Variants in MERTK observed in about 807,000 individuals in gnomAD.
MERTK encodes the protein MER proto-oncogene, tyrosine kinase.
In MERTK, 69 loss-of-function variants were observed where a neutral mutation model predicts 99.3. The ratio of observed to expected loss-of-function variants is 0.70; its 90% CI spans 0.57 to 0.85. The LOEUF (loss-of-function observed/expected upper bound fraction) is 0.85. Ranked by LOEUF, MERTK falls within the 40% of genes least tolerant of loss-of-function variation. The pLI, the probability that MERTK is intolerant of heterozygous loss-of-function variation, is 0.00. For missense variants in MERTK, 1,125 were observed against 1,249.4 expected, an observed-to-expected ratio of 0.90 and a Z score of 1.50; for synonymous variants, 426 against 467.6, an observed-to-expected ratio of 0.91 and a Z score of 1.15.
At chr2:111,987,267 A>G (rs538888180) in intron 8 of MERTK, among the ~76,000 whole-genome samples, 11 of 152,224 alleles carry the variant, frequency 7.2e-5, no homozygotes, top group African/African-American at 2.6e-4. Context: ...ACAGGTTTGT[A>G]GCTTTGCATT....
At position 112,022,167 on chromosome 2, in the gene MERTK, G is replaced by A. The variant is rs550873469; in HGVS notation, c.2350-91G>A. 4 of 1,559,088 alleles carry A rather than the reference G, an allele frequency of 2.6e-6. No individual in the cohort carries two copies. In the African/African-American group the frequency reaches 4.1e-5, roughly 16 times the overall value. On this transcript the variant is annotated intron_variant, in intron 17 of 18. Transcript: ENST00000295408. ...TTGCCAGCTTTGTGCATGATCATCA[G>A]TGTTTAAGGAAATGACCTTTCCCAG...
chr2:111,909,965 C>A (rs562431829), intron 1 of MERTK, among the ~76,000 whole-genome samples: 1 of 152,308 alleles, frequency 6.6e-6, no homozygotes, highest in African/African-American at 2.4e-5. Flanking sequence ...ATCAAAAAGA[C>A]ATCTGCACCC....
intron 1 of MERTK, among the ~76,000 whole-genome samples, chr2:111,913,815 C>A (rs562562115): frequency 1.4e-4 from 22 of 152,330 alleles, no homozygotes; most frequent in Admixed American, 4.6e-4. Flanking sequence ...TGCCAAAGTG[C>A]TAGGATTACA....
At chr2:112,006,459 CT>C (rs767268394) in intron 13 of MERTK, among the ~76,000 whole-genome samples, 2 of 152,148 alleles carry the variant, frequency 1.3e-5, no homozygotes, top group Non-Finnish European at 2.9e-5. Context: ...ATATTCTGCA[CT>C]GTTCCTGCCT....
Position 111,994,315 on chromosome 2 carries a change from A to G in MERTK, c.1361A>G (p.Asn454Ser). 6.2e-7 allele frequency: 1 copy of G among 1,614,126 alleles called. No individual in the cohort carries two copies. The highest frequency in any genetic ancestry group is 1.7e-5 in the Admixed American group (1 of 60,020). The change falls in exon 9 of 19, where the codon AAT becomes AGT. Residue 454 changes from asparagine (N) to serine (S), a missense_variant. Coordinates refer to ENST00000295408, the MANE Select transcript of MERTK (RefSeq NM_006343.3). ...SRARISVQVHNATCTVRIAAV... is the reference protein window; with the variant it reads ...SRARISVQVHSATCTVRIAAV... ...GCTCGGATCTCTGTTCAAGTCCACA[A>G]TGCTACGTGCACAGTGAGGATTGCA...
chr2:111,906,366 T>C (rs1051443305), intron 1 of MERTK, among the ~76,000 whole-genome samples: 13 of 152,200 alleles, frequency 8.5e-5, no homozygotes, highest in African/African-American at 3.1e-4. Context: ...GGAGAAGGAA[T>C]TGTTTTGTTA....
chr2:112,019,792 C>A (rs535843005), intron 16 of MERTK, among the ~76,000 whole-genome samples: 1 of 152,176 alleles, frequency 6.6e-6, no homozygotes, highest in Admixed American at 6.5e-5. Flanking sequence ...AAGGTGTGAC[C>A]CTTGTGATCC....
Position 111,982,837 on chromosome 2 carries a change from T to C in MERTK, c.1145-5T>C, listed in dbSNP as rs373308959. On this transcript the variant is annotated splice_polypyrimidine_tract_variant and splice_region_variant and intron_variant, in intron 7 of 18. Transcript: ENST00000295408. ...TTCATTCTTCTCTCCTTTTTTCTTT[T>C]GTAGCCCCATCAGTAGCACCTTTAA... The C allele has an allele frequency of 3.1e-6, 5 of 1,613,990 alleles. No individual in the cohort carries two copies. The highest frequency in any genetic ancestry group is 4.2e-6 in the Non-Finnish European group (5 of 1,179,878).
At chr2:111,974,182 A>G (rs1676187554) in intron 6 of MERTK, among the ~76,000 whole-genome samples, 1 of 142,388 alleles carries the variant, frequency 7.0e-6, no homozygotes, top group Non-Finnish European at 1.5e-5. Flanking sequence ...TAAGATCAGG[A>G]GTTCAAGACC....
Position 112,028,769 on chromosome 2 carries a change from T to C in MERTK, c.2905T>C (p.Trp969Arg). Residue 969 changes from tryptophan to arginine, a missense_variant, in exon 19 of 19, where the codon TGG becomes CGG. Transcript: ENST00000295408. Reference sequence around the variant, plus strand: ...GAGACTTGTTAGGAATGGGGTCTCCTGGTCCCATTCGAGCATGCTGCCCTT... The same window carrying C: ...GAGACTTGTTAGGAATGGGGTCTCCCGGTCCCATTCGAGCATGCTGCCCTT... The part of the protein sequence containing the change: ...GERLVRNGVS[W>R]SHSSMLPLGS... The C allele has an allele frequency of 6.2e-7, 1 of 1,614,156 alleles. No individual in the cohort carries two copies. Among genetic ancestry groups the C allele is most frequent in the Non-Finnish European group, 8.5e-7 (1 of 1,180,046 alleles).
intron 4 of MERTK, among the ~76,000 whole-genome samples, chr2:111,960,496 A>AAG (rs974828067): frequency 3.4e-5 from 5 of 148,144 alleles, no homozygotes; most frequent in African/African-American, 9.9e-5. Flanking sequence ...AAAAAAAAAA[A>AAG]AAAAAGAAAA....
intron 4 of MERTK, among the ~76,000 whole-genome samples, chr2:111,962,378 G>T (rs949432041): frequency 6.6e-6 from 1 of 152,074 alleles, no homozygotes; most frequent in Non-Finnish European, 1.5e-5. Flanking sequence ...ATGGTGGCAG[G>T]TGCCTGTAAT....
chr2:111,963,532 T>C (rs892955606), intron 4 of MERTK, among the ~76,000 whole-genome samples: 19 of 152,300 alleles, frequency 1.2e-4, no homozygotes, highest in African/African-American at 4.1e-4. Flanking sequence ...TTTGTGTCCC[T>C]GGGTACTTGA....
chr2:111,940,251 C>T, intron 2 of MERTK: 1 of 319,562 alleles, frequency 3.1e-6, no homozygotes, highest in East Asian at 7.3e-5. Flanking sequence ...TACATGGTTC[C>T]CAATTGTACT....
chr2:112,017,688 G>A (rs1677246730), intron 15 of MERTK, among the ~76,000 whole-genome samples: 1 of 152,020 alleles, frequency 6.6e-6, no homozygotes, highest in South Asian at 2.1e-4. Context: ...AGTGGTAGGA[G>A]GAGTACAGTG....
chr2:111,984,073 A>G (rs1676424351), intron 8 of MERTK, among the ~76,000 whole-genome samples: 1 of 152,224 alleles, frequency 6.6e-6, no homozygotes, highest in Non-Finnish European at 1.5e-5. Flanking sequence ...CCCAGGAGCC[A>G]GTGGTGTAAT....
intron 1 of MERTK, among the ~76,000 whole-genome samples, chr2:111,928,344 G>A (rs976863373): frequency 2.8e-5 from 4 of 144,012 alleles, no homozygotes; most frequent in African/African-American, 1.0e-4. Flanking sequence ...TCCTTCCTCA[G>A]CCCCCCAAAT....
intron 7 of MERTK, among the ~76,000 whole-genome samples, chr2:111,975,825 C>A (rs577694613): frequency 6.6e-6 from 1 of 152,268 alleles, no homozygotes; most frequent in East Asian, 1.9e-4. Context: ...GGATTTCTCT[C>A]CACCAGCAAG....
chr2:111,939,006 T>A (rs187122907), intron 2 of MERTK, among the ~76,000 whole-genome samples: 39 of 152,342 alleles, frequency 2.6e-4, no homozygotes, highest in African/African-American at 9.1e-4. Context: ...TTCAGCTGAA[T>A]CATGTAATAT....
Sources: gnomAD v4.1 joint callset for allele counts (sites outside exome capture counted in the v4.1 genomes callset) on GRCh38, gnomAD v4.1.1 for gene constraint, MANE v1.5 for transcripts, NCBI Gene and HGNC (gene_info 2026-07-23, HGNC 2026-07-21) for gene names.